The following OXSR1 variants were observed in gnomAD, a reference collection of about 807,000 sequenced individuals.
The protein encoded by OXSR1 is serine/threonine-protein kinase OSR1.
Under a neutral mutation model 79.8 loss-of-function variants are expected in OXSR1, and 24 were observed. The ratio of observed to expected loss-of-function variants is 0.30; its 90% CI spans 0.22 to 0.42. The LOEUF (loss-of-function observed/expected upper bound fraction) is 0.42. OXSR1 is among the 10% of genes least tolerant of loss of function. OXSR1 has a pLI of 1.00. For missense variants in OXSR1, 430 were observed against 618.4 expected, an observed-to-expected ratio of 0.70 and a Z score of 3.23; for synonymous variants, 226 against 209.2, an observed-to-expected ratio of 1.08 and a Z score of -0.69.
chr3:38,213,956 T>C (rs1575343347), intron 4 of OXSR1, among the ~76,000 whole-genome samples: 1 of 152,200 alleles, frequency 6.6e-6, no homozygotes, highest in Non-Finnish European at 1.5e-5. Context: ...AACATGTATG[T>C]TCATTAGTAT....
upstream of OXSR1, among the ~76,000 whole-genome samples, chr3:38,164,359 T>C (rs1017323078): frequency 2.0e-5 from 3 of 152,174 alleles, no homozygotes; most frequent in Non-Finnish European, 4.4e-5. Flanking sequence ...TTGGTCAGGA[T>C]GGTCTCGAAC....
chr3:38,237,210 C>G (rs1177099419), intron 11 of OXSR1, among the ~76,000 whole-genome samples: 3 of 152,092 alleles, frequency 2.0e-5, no homozygotes, highest in African/African-American at 7.2e-5. Flanking sequence ...GTCTGAGATG[C>G]AAAATACACT....
At chr3:38,172,578 G>A (rs1701602665) in intron 1 of OXSR1, among the ~76,000 whole-genome samples, 2 of 152,114 alleles carry the variant, frequency 1.3e-5, no homozygotes, top group Non-Finnish European at 2.9e-5. Context: ...TTGTTTACTA[G>A]CCACACATTT....
intron 4 of OXSR1, among the ~76,000 whole-genome samples, chr3:38,207,468 A>G (rs986255476): frequency 6.6e-6 from 1 of 152,216 alleles, no homozygotes; most frequent in Non-Finnish European, 1.5e-5. Context: ...AAGGGGAAAT[A>G]GAGGTTATGC....
rs563768081 is a variant in OXSR1, at chr3:38,186,323, C to T, written c.183+3208C>T. Among the ~76,000 whole-genome samples, 3 of 152,038 alleles carry T rather than the reference C, an allele frequency of 2.0e-5. No individual in the cohort carries two copies. The East Asian group carries it at 5.8e-4, about 29-fold the overall frequency. On this transcript the variant is annotated intron_variant, in intron 2 of 17. Transcript: ENST00000311806. Reference sequence around the variant, plus strand: ...TATAATACTTTTTAAAACATAACAGCTTTATTGATATAAAATTCATGTATC... The same window carrying T: ...TATAATACTTTTTAAAACATAACAGTTTTATTGATATAAAATTCATGTATC...
chr3:38,185,946 CAAAAAAAAAAAAA>C (rs71085304), intron 2 of OXSR1, among the ~76,000 whole-genome samples: 4 of 32,118 alleles, frequency 1.2e-4, no homozygotes, highest in African/African-American at 5.4e-4. Flanking sequence ...GGCCCTGTCT[CAAAAAAAAAAAAA>C]AAAAAAAAAA....
chr3:38,244,680 C>A (rs1340970582), intron 12 of OXSR1, among the ~76,000 whole-genome samples: 1 of 64,504 alleles, frequency 1.6e-5, no homozygotes, highest in Non-Finnish European at 4.1e-5. Flanking sequence ...TGCGCATGTA[C>A]CACATTTTAT....
At chr3:38,195,116 A>G (rs1435433311) in intron 3 of OXSR1, among the ~76,000 whole-genome samples, 1 of 152,250 alleles carries the variant, frequency 6.6e-6, no homozygotes, top group East Asian at 1.9e-4. Flanking sequence ...TTTAGAAGTT[A>G]GAAGCACTTT....
chr3:38,222,559 A>G (rs745779686), intron 6 of OXSR1, among the ~76,000 whole-genome samples: 6 of 152,260 alleles, frequency 3.9e-5, no homozygotes, highest in African/African-American at 1.2e-4. Context: ...GGCAGCACAT[A>G]CTATTGATCC....
At chr3:38,166,193 G>T (rs1701451373) in intron 1 of OXSR1, among the ~76,000 whole-genome samples, 1 of 152,084 alleles carries the variant, frequency 6.6e-6, no homozygotes, top group South Asian at 2.1e-4. Context: ...AGAGATTTGT[G>T]TACAGGATTC....
chr3:38,169,017 G>A (rs1701523065), intron 1 of OXSR1, among the ~76,000 whole-genome samples: 1 of 152,190 alleles, frequency 6.6e-6, no homozygotes. Flanking sequence ...AAATTCAACT[G>A]TTTAAGAAAC....
chr3:38,209,288 G>A (rs1449026379), intron 4 of OXSR1, among the ~76,000 whole-genome samples: 3 of 151,982 alleles, frequency 2.0e-5, no homozygotes, highest in Non-Finnish European at 4.4e-5. Flanking sequence ...GCATGAACAC[G>A]GCTCACTGCA....
chr3:38,192,642 G>A (rs761638899), intron 3 of OXSR1, among the ~76,000 whole-genome samples: 2 of 152,082 alleles, frequency 1.3e-5, no homozygotes, highest in Non-Finnish European at 2.9e-5. Flanking sequence ...TTTATTCTTA[G>A]AATAAAATAT....
At position 38,190,715 on chromosome 3, in the gene OXSR1, T is replaced by G; in HGVS notation, c.184-16T>G. 7.3e-7 allele frequency: 1 copy of G among 1,365,094 alleles called. No individual in the cohort carries two copies. The highest frequency in any genetic ancestry group is 1.0e-6 in the Non-Finnish European group (1 of 955,262). 84.6% of individuals were successfully genotyped at this position (1,365,094 alleles called of 1,614,324 possible). ...GCTTGCATATAATGAATTATTATGT[T>G]TTCTCTTCTTTGTAGAAAGAAATTC... On this transcript the variant is annotated splice_polypyrimidine_tract_variant and intron_variant, in intron 2 of 17. Coordinates refer to ENST00000311806, the MANE Select transcript of OXSR1 (RefSeq NM_005109.3).
intron 11 of OXSR1, among the ~76,000 whole-genome samples, chr3:38,238,686 C>A (rs1702967425): frequency 1.3e-5 from 2 of 151,906 alleles, no homozygotes; most frequent in Admixed American, 1.3e-4. Context: ...CATTCTTATT[C>A]TTGTTCCTTT....
intron 16 of OXSR1, 70 bp downstream of exon 16, chr3:38,251,541 G>A: frequency 8.1e-7 from 1 of 1,241,482 alleles, no homozygotes; most frequent in Non-Finnish European, 1.2e-6. Context: ...AGAAAAGCAG[G>A]TTTTTTATTC....
intron 2 of OXSR1, among the ~76,000 whole-genome samples, chr3:38,187,121 T>C (rs1701899927): frequency 6.6e-6 from 1 of 152,198 alleles, no homozygotes. Context: ...TTATAAAACT[T>C]TGAAAATAAG....
At chr3:38,244,313 A>G in intron 12 of OXSR1, among the ~76,000 whole-genome samples, 1 of 152,086 alleles carries the variant, frequency 6.6e-6, no homozygotes, top group South Asian at 2.1e-4. Context: ...CATCCTAATC[A>G]TTTTCAAGTA....
intron 1 of OXSR1, among the ~76,000 whole-genome samples, chr3:38,172,266 T>C (rs1473995992): frequency 6.6e-6 from 1 of 152,206 alleles, no homozygotes; most frequent in African/African-American, 2.4e-5. Flanking sequence ...TTTTTTTTCT[T>C]AGTCCAGGCC....
Sources: gnomAD v4.1 joint callset for allele counts (sites outside exome capture counted in the v4.1 genomes callset) on GRCh38, gnomAD v4.1.1 for gene constraint, MANE v1.5 for transcripts, NCBI Gene and HGNC (gene_info 2026-07-23, HGNC 2026-07-21) for gene names.